The following IKZF2 variants were observed in gnomAD, a reference collection of about 807,000 sequenced individuals.
IKZF2 encodes the protein zinc finger protein Helios.
IKZF2 carries 15 observed loss-of-function variants against 49.2 expected under a neutral mutation model. That is an observed-to-expected ratio of 0.30 (90% CI 0.20 to 0.47). IKZF2 has a LOEUF of 0.47. IKZF2 is among the 20% of genes least tolerant of loss of function. The pLI is 1.00. For missense variants in IKZF2, 567 were observed against 664.6 expected, an observed-to-expected ratio of 0.85 and a Z score of 1.61; for synonymous variants, 227 against 221.4, an observed-to-expected ratio of 1.03 and a Z score of -0.23.
Position 213,049,702 on chromosome 2 carries a change from G to T in IKZF2, c.574+11C>A. On this transcript the variant is annotated intron_variant, in intron 6 of 8. Transcript: ENST00000434687. ...TTTTACTTTTCTTCTCAAGGAGTTGGTGACACTTACCAGAATGGGTCCTGA... is the reference window on the plus strand; with the variant it reads ...TTTTACTTTTCTTCTCAAGGAGTTGTTGACACTTACCAGAATGGGTCCTGA... 2 of 1,532,748 alleles carry T rather than the reference G, an allele frequency of 1.3e-6. No individual in the cohort carries two copies. The highest frequency in any genetic ancestry group is 2.5e-5 in the South Asian group (2 of 78,508). 94.9% of individuals were successfully genotyped at this position (1,532,748 alleles called of 1,614,324 possible).
chr2:213,096,617 T>C (rs1706028007), intron 4 of IKZF2, among the ~76,000 whole-genome samples: 3 of 151,988 alleles, frequency 2.0e-5, no homozygotes, highest in African/African-American at 7.2e-5. Flanking sequence ...ACCTAAGCAC[T>C]GTACCGAAAG....
At chr2:213,026,024 T>C (rs1453662415) in intron 6 of IKZF2, among the ~76,000 whole-genome samples, 4 of 152,110 alleles carry the variant, frequency 2.6e-5, no homozygotes, top group African/African-American at 9.7e-5. Context: ...AATTATTTTA[T>C]TCCTCTCTCC....
chr2:213,062,078 A>G (rs1333768946), intron 4 of IKZF2, among the ~76,000 whole-genome samples: 1 of 151,592 alleles, frequency 6.6e-6, no homozygotes, highest in Non-Finnish European at 1.5e-5. Flanking sequence ...ATCACTTTAT[A>G]TGCATGATAA....
chr2:213,052,272 A>C lies in IKZF2; in HGVS notation c.407-2392T>G, dbSNP rs541484658. On this transcript the variant is annotated intron_variant, in intron 5 of 8. Transcript: ENST00000434687. Reference sequence around the variant, plus strand: ...TCCTGTTGCTGAGTGTGGAAGTCATACTATGGAAGTCTTTGGTAAGTTCCC... The same window carrying C: ...TCCTGTTGCTGAGTGTGGAAGTCATCCTATGGAAGTCTTTGGTAAGTTCCC... 1.9e-3 allele frequency among the ~76,000 whole-genome samples: 296 copies of C among 152,164 alleles called. 1 individual carries two copies. The highest frequency in any genetic ancestry group is 3.2e-3 in the Non-Finnish European group (219 of 67,908).
At chr2:213,133,925 A>C (rs1328740363) in intron 4 of IKZF2, among the ~76,000 whole-genome samples, 1 of 152,150 alleles carries the variant, frequency 6.6e-6, no homozygotes, top group Non-Finnish European at 1.5e-5. Flanking sequence ...TTTTTTAAGC[A>C]AGTTAAACAT....
rs777872828 is a variant in IKZF2 at position 213,022,129 on chromosome 2, C to T, written c.576G>A (p.Val192=). The change falls in exon 7 of 9, where the codon GTG becomes GTA. Residue 192 remains valine, a splice_region_variant and synonymous_variant. Coordinates refer to ENST00000434687, the MANE Select transcript of IKZF2 (RefSeq NM_001387220.1). ...ALTGHLRTHS[V]GKPHKCNYCG... is the part of the protein sequence containing the mutation. ...AGTAGTTGCACTTGTGAGGTTTACC[C>T]ACTGTGAAGAGAACTCAAGGTCAGT... 5 of 1,603,136 alleles carry T rather than the reference C, an allele frequency of 3.1e-6. No individual in the cohort carries two copies. The South Asian group carries it at 4.5e-5, about 14-fold the overall frequency.
At chr2:213,031,892 C>A (rs991734555) in intron 6 of IKZF2, among the ~76,000 whole-genome samples, 1 of 152,106 alleles carries the variant, frequency 6.6e-6, no homozygotes, top group African/African-American at 2.4e-5. Context: ...CATATATAAT[C>A]ATAATAATAA....
upstream of IKZF2, chr2:213,152,260 T>A (rs62189579): frequency 0.27 from 41,724 of 151,726 alleles, 7,408 homozygotes; most frequent in Non-Finnish European, 0.41. Flanking sequence ...CTGCGCGGAG[T>A]CCGGGAGCCG....
At chr2:213,031,222 T>C (rs1249998526) in intron 6 of IKZF2, among the ~76,000 whole-genome samples, 1 of 152,196 alleles carries the variant, frequency 6.6e-6, no homozygotes, top group African/African-American at 2.4e-5. Context: ...ACCTCCAGTA[T>C]TCCATGTCCA....
At chr2:213,114,243 G>A (rs1040695955) in intron 4 of IKZF2, among the ~76,000 whole-genome samples, 12 of 152,090 alleles carry the variant, frequency 7.9e-5, no homozygotes, top group African/African-American at 2.9e-4. Context: ...GTGTGTTATA[G>A]GGGCAAAGGT....
At chr2:213,074,506 A>C (rs532019953) in intron 4 of IKZF2, among the ~76,000 whole-genome samples, 3 of 152,354 alleles carry the variant, frequency 2.0e-5, no homozygotes, top group South Asian at 2.1e-4. Flanking sequence ...GTGGTCTATC[A>C]TTGAAAAGTT....
chr2:213,014,649 T>C (rs2125060597), intron 7 of IKZF2: 1 of 152,212 alleles, frequency 6.6e-6, no homozygotes, highest in South Asian at 2.1e-4. Flanking sequence ...TCTCCAATGC[T>C]GTTCCCTATT....
In IKZF2 at chr2:213,000,590, A is replaced by C. The variant is rs1438449286; in HGVS notation, c.*6770T>G. The C allele has an allele frequency of 6.6e-6, 1 of 151,888 alleles. No individual in the cohort carries two copies. Among genetic ancestry groups the C allele is most frequent in the Non-Finnish European group, 1.5e-5 (1 of 67,634 alleles). The allele number at this position is 151,888 out of a possible 1,614,324, so 9.4% of individuals were successfully genotyped here. A position where few individuals can be genotyped will look rare whatever the true frequency, so the allele number is the denominator to read the frequency against. ...GTTTTACTACAGGGACACAGGTATAAAAAAAGAAAATTAGCACACTACATA... is the reference window on the plus strand; with the variant it reads ...GTTTTACTACAGGGACACAGGTATACAAAAAGAAAATTAGCACACTACATA... On this transcript the variant is annotated 3_prime_UTR_variant, in exon 9 of 9. Coordinates refer to ENST00000434687, the MANE Select transcript of IKZF2 (RefSeq NM_001387220.1).
intron 4 of IKZF2, among the ~76,000 whole-genome samples, chr2:213,059,616 A>T (rs1051587978): frequency 2.6e-5 from 4 of 151,652 alleles, no homozygotes; most frequent in African/African-American, 9.7e-5. Context: ...AAAGTGTATC[A>T]GAATTCCATT....
intron 4 of IKZF2, among the ~76,000 whole-genome samples, chr2:213,098,482 C>G (rs1040478413): frequency 1.3e-5 from 2 of 152,092 alleles, no homozygotes; most frequent in African/African-American, 4.8e-5. Flanking sequence ...TTACTAATGC[C>G]ATAAATGGTC....
chr2:213,116,040 T>C (rs2059859671), intron 4 of IKZF2, among the ~76,000 whole-genome samples: 1 of 152,212 alleles, frequency 6.6e-6, no homozygotes, highest in Admixed American at 6.5e-5. Context: ...TCTTTTAATG[T>C]AAAGGGATAA....
In IKZF2 at chr2:213,150,177, T is replaced by A; in HGVS notation, c.-49A>T. The A allele has an allele frequency of 7.7e-7, 1 of 1,303,816 alleles. No homozygotes were observed. The highest frequency in any genetic ancestry group is 1.2e-5 in the South Asian group (1 of 80,982). The allele number at this position is 1,303,816 out of a possible 1,614,324, so 80.8% of individuals were successfully genotyped here. ...TTGTCCTTTGATTAAAAAAGATTCA[T>A]CACCATTTCCAGCTCTGTCGGGAGA... is the stretch of plus-strand genomic sequence containing the variant. On this transcript the variant is annotated 5_prime_UTR_variant, in exon 2 of 9. The change abolishes an upstream ATG in the 5' untranslated region. Coordinates refer to ENST00000434687, the MANE Select transcript of IKZF2 (RefSeq NM_001387220.1).
chr2:213,136,896 T>C (rs960363070), intron 4 of IKZF2, among the ~76,000 whole-genome samples: 2 of 152,264 alleles, frequency 1.3e-5, no homozygotes, highest in Non-Finnish European at 2.9e-5. Context: ...GGTATTATCA[T>C]ATACATAGAG....
chr2:213,015,506 A>G (rs1395239289), intron 7 of IKZF2, among the ~76,000 whole-genome samples: 2 of 152,088 alleles, frequency 1.3e-5, no homozygotes, highest in Non-Finnish European at 2.9e-5. Context: ...AAAGTAAAAG[A>G]GTCAACAAAA....
Sources: gnomAD v4.1 joint callset for allele counts (sites outside exome capture counted in the v4.1 genomes callset) on GRCh38, gnomAD v4.1.1 for gene constraint, MANE v1.5 for transcripts, NCBI Gene and HGNC (gene_info 2026-07-23, HGNC 2026-07-21) for gene names.